The following ART1 variants were observed in gnomAD, a reference collection of about 807,000 sequenced individuals.
ART1 encodes ADP-ribosyltransferase 1.
ART1 carries 29 observed loss-of-function variants against 27.0 expected under a neutral mutation model. That is an observed-to-expected ratio of 1.08 (90% CI 0.80 to 1.47). The LOEUF is 1.47. Among genes scored for constraint, ART1 ranks in the 40% most tolerant of loss-of-function variants. The probability of loss-of-function intolerance (pLI) is 0.00; values close to 1 mark genes in which losing one functional copy is unlikely to be tolerated. For synonymous variants in ART1, 201 were observed against 172.2 expected (o/e 1.17, Z -1.31); for missense variants, 480 against 423.0 (o/e 1.13, Z -1.18).
chr11:3,658,072 C>A (rs943054134), intron 1 of ART1, among the ~76,000 whole-genome samples: 1 of 152,044 alleles, frequency 6.6e-6, no homozygotes, highest in African/African-American at 2.4e-5. Context: ...GTGGCTCACA[C>A]CTGTAATCCC....
chr11:3,652,667 T>C (rs1217360717), intron 1 of ART1, among the ~76,000 whole-genome samples: 1 of 151,966 alleles, frequency 6.6e-6, no homozygotes, highest in Non-Finnish European at 1.5e-5. Context: ...AAAGAACTTG[T>C]CATCCCTACT....
intron 1 of ART1, among the ~76,000 whole-genome samples, chr11:3,651,078 C>T (rs986620442): frequency 3.7e-4 from 56 of 152,124 alleles, no homozygotes; most frequent in African/African-American, 5.1e-4. Flanking sequence ...GTTCAGAATC[C>T]GCGCCTTATC....
At chr11:3,655,928 C>CTTTTT (rs761533207) in intron 1 of ART1, among the ~76,000 whole-genome samples, 29 of 108,994 alleles carry the variant, frequency 2.7e-4, no homozygotes, top group Non-Finnish European at 3.9e-4. Context: ...GAGCTCAAGT[C>CTTTTT]TTTTTTTTTT....
At chr11:3,655,083 G>C (rs567091915) in intron 1 of ART1, among the ~76,000 whole-genome samples, 2 of 152,216 alleles carry the variant, frequency 1.3e-5, no homozygotes, top group South Asian at 2.1e-4. Context: ...ATCTAAACTG[G>C]ACTTGGTTGG....
intron 4 of ART1, among the ~76,000 whole-genome samples, chr11:3,663,033 A>ATCTCATCATC (rs756357966): frequency 2.4e-5 from 2 of 82,316 alleles, no homozygotes; most frequent in African/African-American, 4.8e-5. Flanking sequence ...ATCTCATCTC[A>ATCTCATCATC]TCATCTCATC....
Position 3,661,615 on chromosome 11 carries a change from C to T in ART1, c.886+202C>T, listed in dbSNP as rs1034949611. On this transcript the variant is annotated intron_variant, in intron 4 of 4. Coordinates refer to ENST00000250693, the MANE Select transcript of ART1 (RefSeq NM_004314.3). ...GTTCAAGCCATTCTCCTGCCTCAGC[C>T]TCTTGATTACAGCTGGGATTACAGG... 2.6e-5 allele frequency among the ~76,000 whole-genome samples: 4 copies of T among 151,848 alleles called. No homozygotes were observed. The East Asian group carries it at 5.8e-4, about 22-fold the overall frequency.
At position 3,659,878 on chromosome 11, in the gene ART1, C is replaced by T. The variant is rs768373376; in HGVS notation, c.359C>T (p.Ala120Val). The change falls in exon 3 of 5, where the codon GCC (alanine) becomes GTC (valine). Residue 120 changes from alanine (A) to valine (V), a missense_variant. Transcript: ENST00000250693. ...FRDEHGVALL[A>V]YTANSPLHKE... ...GATGAGCATGGGGTGGCCCTCCTGGCCTACACAGCCAACAGCCCCCTGCAC... is the reference window on the plus strand; with the variant it reads ...GATGAGCATGGGGTGGCCCTCCTGGTCTACACAGCCAACAGCCCCCTGCAC... 6.2e-7 allele frequency: 1 copy of T among 1,612,792 alleles called. No homozygotes were observed. The highest frequency in any genetic ancestry group is 1.1e-5 in the South Asian group (1 of 90,912).
At chr11:3,661,168 T>C (rs1418721247) in intron 3 of ART1, among the ~76,000 whole-genome samples, 1 of 152,140 alleles carries the variant, frequency 6.6e-6, no homozygotes, top group Admixed American at 6.5e-5. Context: ...ACCCTGGCTC[T>C]GATGGCCCAC....
At chr11:3,646,888 G>C (rs575955332) in intron 1 of ART1, among the ~76,000 whole-genome samples, 1 of 152,268 alleles carries the variant, frequency 6.6e-6, no homozygotes, top group Non-Finnish European at 1.5e-5. Flanking sequence ...AGCAAGATGA[G>C]CTTTTCAAGT....
At chr11:3,660,655 C>T (rs1348034793) in intron 3 of ART1, among the ~76,000 whole-genome samples, 1 of 152,158 alleles carries the variant, frequency 6.6e-6, no homozygotes, top group Non-Finnish European at 1.5e-5. Flanking sequence ...CAAGCAGACC[C>T]GGTCGGGCTT....
At chr11:3,650,354 G>A (rs1401180883) in intron 1 of ART1, among the ~76,000 whole-genome samples, 1 of 152,300 alleles carries the variant, frequency 6.6e-6, no homozygotes, top group East Asian at 1.9e-4. Context: ...TGGAACTCTG[G>A]CCCAAGGCTC....
intron 1 of ART1, among the ~76,000 whole-genome samples, chr11:3,649,722 G>A (rs933277547): frequency 9.2e-5 from 14 of 152,222 alleles, no homozygotes. Context: ...AACCTGCCCA[G>A]CAATTTCCTC....
chr11:3,646,357 C>T (rs1051917694), intron 1 of ART1, among the ~76,000 whole-genome samples: 8 of 152,044 alleles, frequency 5.3e-5, no homozygotes, highest in African/African-American at 1.9e-4. Flanking sequence ...CTATCTCACC[C>T]AGCATTAGTT....
chr11:3,663,076 ATCATCTCATCTCATCATCTCATC>A (rs2077633585), intron 4 of ART1, among the ~76,000 whole-genome samples: 5 of 74,602 alleles, frequency 6.7e-5, no homozygotes, highest in African/African-American at 3.3e-4. Flanking sequence ...ATCTCATCTC[ATCATCTCATCTCATCATCTCATC>A]TCATCTCATC....
In ART1 at chr11:3,659,686, C is replaced by G; in HGVS notation, c.167C>G (p.Ala56Gly). The G allele has an allele frequency of 6.2e-7, 1 of 1,614,002 alleles. No individual in the cohort carries two copies. Among genetic ancestry groups the G allele is most frequent in the Non-Finnish European group, 8.5e-7 (1 of 1,180,012 alleles). Residue 56 changes from alanine to glycine, a missense_variant, in exon 3 of 5, where the codon GCC (alanine) becomes GGC (glycine). Transcript: ENST00000250693. Reference sequence around the variant, plus strand: ...GACCAGTACGCTGGCTGTGCTGCTGCCATGACAGCTGCTCTCCCGGATCTC... The same window carrying G: ...GACCAGTACGCTGGCTGTGCTGCTGGCATGACAGCTGCTCTCCCGGATCTC... ...FDDQYAGCAA[A>G]MTAALPDLNH... is the part of the protein sequence containing the mutation.
intron 4 of ART1, among the ~76,000 whole-genome samples, chr11:3,662,032 G>C (rs1413541935): frequency 6.6e-6 from 1 of 152,196 alleles, no homozygotes; most frequent in Non-Finnish European, 1.5e-5. Context: ...GGACAGAAGG[G>C]CTGCTCCCCA....
chr11:3,649,061 G>A (rs886755479), intron 1 of ART1, among the ~76,000 whole-genome samples: 1 of 150,882 alleles, frequency 6.6e-6, no homozygotes, highest in Non-Finnish European at 1.5e-5. Context: ...TTATTTCCAC[G>A]CCCTGACCCC....
intron 1 of ART1, among the ~76,000 whole-genome samples, chr11:3,647,347 A>T (rs2077477148): frequency 6.6e-6 from 1 of 151,406 alleles, no homozygotes. Context: ...AACAAAAAAA[A>T]AAACGAGGCT....
At chr11:3,647,613 G>A (rs573414021) in intron 1 of ART1, among the ~76,000 whole-genome samples, 26 of 151,892 alleles carry the variant, frequency 1.7e-4, no homozygotes, top group African/African-American at 5.6e-4. Flanking sequence ...CAGCCTGGGC[G>A]ACAGAGTGAG....
Sources: allele counts gnomAD v4.1 joint callset (sites outside exome capture counted in the v4.1 genomes callset), GRCh38; gene constraint gnomAD v4.1.1; transcripts MANE v1.5; gene names NCBI Gene and HGNC (gene_info 2026-07-23, HGNC 2026-07-21).